Variants in DNAH10 observed in about 807,000 individuals in gnomAD.
DNAH10 encodes dynein axonemal heavy chain 10.
In DNAH10, 348 loss-of-function variants were observed where a neutral mutation model predicts 506.6. The ratio of observed to expected loss-of-function variants is 0.69; its 90% CI spans 0.63 to 0.75. DNAH10 has a LOEUF of 0.75. DNAH10 is among the 30% of genes least tolerant of loss of function. DNAH10 has a pLI of 0.00. For missense variants in DNAH10, 5,179 were observed against 5,787.1 expected (o/e 0.89, Z 3.41); for synonymous variants, 2,059 against 2,198.6 (o/e 0.94, Z 1.78).
chr12:123,897,022 C>A (rs1282493130), intron 54 of DNAH10, among the ~76,000 whole-genome samples: 2 of 152,178 alleles, frequency 1.3e-5, no homozygotes, highest in African/African-American at 2.4e-5. Context: ...TCCCTCCAGC[C>A]CCTGGCAACC....
chr12:123,798,113 C>T (rs1345555083), intron 13 of DNAH10, among the ~76,000 whole-genome samples: 1 of 152,196 alleles, frequency 6.6e-6, no homozygotes, highest in Non-Finnish European at 1.5e-5. Context: ...TCCTTCTCTT[C>T]ATGTAAAAGC....
chr12:123,893,165 C>CA, intron 52 of DNAH10, 68 bp from the exon 53 acceptor site: 1 of 1,477,558 alleles, frequency 6.8e-7, no homozygotes, highest in Non-Finnish European at 9.3e-7. Flanking sequence ...TTCCATCACT[C>CA]AGTCAGCACT....
At chr12:123,878,200 T>A (rs1952345906) in intron 48 of DNAH10, among the ~76,000 whole-genome samples, 1 of 152,214 alleles carries the variant, frequency 6.6e-6, no homozygotes, top group African/African-American at 2.4e-5. Context: ...AAGTTGGAAT[T>A]TGCCTGCATG....
At chr12:123,801,217 G>A (rs1362992395) in intron 15 of DNAH10, 64 bp from the exon 16 acceptor site, 10 of 1,507,460 alleles carry the variant, frequency 6.6e-6, no homozygotes, top group Non-Finnish European at 8.9e-6. Flanking sequence ...TCTCTTGACC[G>A]CAAAAGCTTT....
intron 30 of DNAH10, among the ~76,000 whole-genome samples, chr12:123,844,265 C>G (rs1373079703): frequency 6.6e-6 from 1 of 152,192 alleles, no homozygotes; most frequent in Non-Finnish European, 1.5e-5. Context: ...CCCACCAGGT[C>G]CTTCCCTCAA....
chr12:123,814,112 A>G (rs76517470), intron 21 of DNAH10, 200 bp downstream of exon 21: 18,076 of 503,628 alleles, frequency 0.036, 452 homozygotes, highest in Non-Finnish European at 0.047. Flanking sequence ...GTATGGCTCA[A>G]ATGGATTGAT....
chr12:123,918,808 A>G lies in DNAH10; in HGVS notation c.11365A>G (p.Met3789Val). The G allele has an allele frequency of 6.2e-7, 1 of 1,613,950 alleles. No homozygotes were observed. Among genetic ancestry groups the G allele is most frequent in the Non-Finnish European group, 8.5e-7 (1 of 1,179,856 alleles). Residue 3789 changes from methionine to valine, a missense_variant, in exon 65 of 79, where the codon ATG (methionine) becomes GTG (valine). By Grantham distance (21) the Met-to-Val change is conservative. Transcript: ENST00000673944. ...VLSEMALVNS[M>V]YQYSLIAFLE... is the part of the protein sequence containing the mutation. ...GTCTGAGATGGCCCTGGTGAACTCC[A>G]TGTACCAGTACTCCCTGATTGCCTT...
At position 123,767,236 on chromosome 12, in the gene DNAH10, A is replaced by G. The variant is rs11057348; in HGVS notation, c.215-370A>G. On this transcript the variant is annotated intron_variant, in intron 1 of 78. Coordinates refer to ENST00000673944, the MANE Select transcript of DNAH10 (RefSeq NM_001372106.1). Reference sequence around the variant, plus strand: ...TTCAGTTTTTAAATTGTGGTAACATACACACGGCCTGCAATTTACATCTTA... The same window carrying G: ...TTCAGTTTTTAAATTGTGGTAACATGCACACGGCCTGCAATTTACATCTTA... 7.6e-4 allele frequency among the ~76,000 whole-genome samples: 116 copies of G among 152,304 alleles called. No individual in the cohort carries two copies. The East Asian group carries it at 0.019, about 26-fold the overall frequency.
chr12:123,799,275 GA>G lies in DNAH10; in HGVS notation c.2194del (p.Thr732GlnfsTer2). On this transcript the variant is annotated frameshift_variant, in exon 14 of 79. Transcript: ENST00000673944. LOFTEE classifies it high-confidence loss of function. The stretch of plus-strand genomic sequence containing the variant: ...AACAAAAATATTTGGAAGTAGGTAG[GA>G]CAATGAAGGAGTATGAAGACAGAAA... ...VKQKYLEVGRTMKEYEDRKYE... is the reference protein window; with the variant it reads ...VKQKYLEVGRXMKEYEDRKYE... The G allele has an allele frequency of 6.2e-7, 1 of 1,613,386 alleles. No individual in the cohort carries two copies. The highest frequency in any genetic ancestry group is 8.5e-7 in the Non-Finnish European group (1 of 1,179,550).
At position 123,935,520 on chromosome 12, in the gene DNAH10, T is replaced by C. The variant is rs768457064; in HGVS notation, c.*39T>C. 2.6e-6 allele frequency: 4 copies of C among 1,534,048 alleles called. No individual in the cohort carries two copies. The South Asian group carries it at 3.5e-5, about 13-fold the overall frequency. On this transcript the variant is annotated 3_prime_UTR_variant, in exon 79 of 79. Transcript: ENST00000673944. ...AAAACTGCTTAATGAATTCGGAGCC[T>C]GGGGTTGTCAGAGTGATCGGGTCTG...
rs1356892440 is a variant in DNAH10, at chr12:123,845,859, A to G, written c.5620A>G (p.Ile1874Val). The stretch of plus-strand genomic sequence containing the variant: ...TGCCAGAGACATAGTTGATTCTTTC[A>G]TAAGAGGCAGGTGAGCATTTTCCGG... ...VHARDIVDSF[I>V]RGSILEAREF... The change falls in exon 31 of 79, where the codon ATA becomes GTA. Residue 1874 changes from isoleucine to valine, a missense_variant. Transcript: ENST00000673944. The G allele has an allele frequency of 1.2e-6, 2 of 1,613,818 alleles. No homozygotes were observed. The highest frequency in any genetic ancestry group is 1.1e-5 in the South Asian group (1 of 91,084).
At position 123,890,451 on chromosome 12, in the gene DNAH10, A is replaced by C. The variant is rs370409370; in HGVS notation, c.8996-2782A>C. On this transcript the variant is annotated intron_variant, in intron 52 of 78. Transcript: ENST00000673944. Reference sequence around the variant, plus strand: ...ACAACCAGCTGATTAAAAAAAAAAAAACACACTTTTTTTTTTAAGAGGTGG... The same window carrying C: ...ACAACCAGCTGATTAAAAAAAAAAACACACACTTTTTTTTTTAAGAGGTGG... Among the ~76,000 whole-genome samples the C allele has an allele frequency of 6.3e-4, 96 of 151,300 alleles. 1 individual carries two copies. Among genetic ancestry groups the C allele is most frequent in the South Asian group, 1.5e-3 (7 of 4,778 alleles).
chr12:123,857,183 C>G lies in DNAH10; in HGVS notation c.6566C>G (p.Pro2189Arg). ...CTGGACTGCCCTCGCGTCCGCTACC[C>G]TGACTTCAACGATGCGGTAGAGCAG... The part of the protein sequence containing the change: ...PGLDCPRVRY[P>R]DFNDAVEQVL... The change falls in exon 37 of 79, where the codon CCT becomes CGT. Residue 2189 changes from proline to arginine, a missense_variant. Transcript: ENST00000673944. 6.2e-7 allele frequency: 1 copy of G among 1,609,316 alleles called. No homozygotes were observed. The highest frequency in any genetic ancestry group is 8.5e-7 in the Non-Finnish European group (1 of 1,177,898).
intron 47 of DNAH10, 36 bp from the exon 48 acceptor site, chr12:123,877,700 T>C (rs1358678596): frequency 4.5e-6 from 7 of 1,555,146 alleles, no homozygotes; most frequent in Middle Eastern, 1.9e-4. Flanking sequence ...CTGAAGGACA[T>C]TTGTGTGTTG....
intron 23 of DNAH10, 129 bp downstream of exon 23, chr12:123,819,379 T>C (rs1470051388): frequency 2.7e-6 from 2 of 731,470 alleles, no homozygotes; most frequent in Non-Finnish European, 4.5e-6. Context: ...CTCAAATACT[T>C]TTTTCTTGGC....
intron 14 of DNAH10, among the ~76,000 whole-genome samples, 163 bp from the exon 15 acceptor site, chr12:123,800,053 G>A (rs1186225449): frequency 2.6e-5 from 4 of 152,148 alleles, no homozygotes; most frequent in African/African-American, 7.2e-5. Flanking sequence ...CAAAATCTCC[G>A]TTCACCAAAC....
intron 57 of DNAH10, among the ~76,000 whole-genome samples, chr12:123,906,210 G>A (rs995671730): frequency 2.0e-5 from 3 of 151,142 alleles, no homozygotes; most frequent in Non-Finnish European, 4.4e-5. Flanking sequence ...GGGATTACAG[G>A]AGTGAGCCAC....
chr12:123,875,029 C>G (rs1018431323), intron 46 of DNAH10, among the ~76,000 whole-genome samples: 2 of 152,110 alleles, frequency 1.3e-5, no homozygotes, highest in South Asian at 4.1e-4. Context: ...GCTGTAGTAT[C>G]GTAAGGGAGA....
Position 123,891,344 on chromosome 12 carries a change from A to G in DNAH10, c.8996-1889A>G, listed in dbSNP as rs1337057321. Among the ~76,000 whole-genome samples the G allele has an allele frequency of 2.6e-5, 4 of 152,296 alleles. No homozygotes were observed. In the East Asian group the frequency reaches 7.7e-4, roughly 29 times the overall value. On this transcript the variant is annotated intron_variant, in intron 52 of 78. Transcript: ENST00000673944. ...AAAGACAATTTCCAAATAAAGTCACAATCTGAGCTACTTTGGGGACTTCAG... is the reference window on the plus strand; with the variant it reads ...AAAGACAATTTCCAAATAAAGTCACGATCTGAGCTACTTTGGGGACTTCAG...
Sources: gnomAD v4.1 joint callset for allele counts (sites outside exome capture counted in the v4.1 genomes callset) on GRCh38, gnomAD v4.1.1 for gene constraint, MANE v1.5 for transcripts, NCBI Gene and HGNC (gene_info 2026-07-23, HGNC 2026-07-21) for gene names.